The following FGF14 variants were observed in gnomAD, a reference collection of about 807,000 sequenced individuals.
FGF14 encodes fibroblast growth factor 14.
In FGF14, 5 loss-of-function variants were observed where a neutral mutation model predicts 25.5. The observed-to-expected ratio is 0.20, with a 90% confidence interval of 0.10 to 0.41. FGF14 has a LOEUF of 0.41. Among genes scored for constraint, FGF14 ranks in the 10% least tolerant of loss-of-function variants. The probability of loss-of-function intolerance (pLI) is 1.00; values close to 1 mark genes in which losing one functional copy is unlikely to be tolerated. For missense variants in FGF14, 222 were observed against 320.1 expected (o/e 0.69, Z 2.34); for synonymous variants, 138 against 118.3 (o/e 1.17, Z -1.08).
chr13:102,366,155 GA>G (rs2057705591), intron 1 of FGF14, among the ~76,000 whole-genome samples: 1 of 152,104 alleles, frequency 6.6e-6, no homozygotes, highest in South Asian at 2.1e-4. Context: ...AAATCAAATA[GA>G]AATTGTATCC....
At chr13:101,972,290 T>A (rs182617651) in intron 1 of FGF14, among the ~76,000 whole-genome samples, 89 of 152,340 alleles carry the variant, frequency 5.8e-4, no homozygotes, top group Non-Finnish European at 9.1e-4. Flanking sequence ...CAGATTCTCA[T>A]GAGGCACAGT....
chr13:102,389,518 G>A (rs2058382653), intron 1 of FGF14, among the ~76,000 whole-genome samples: 1 of 152,156 alleles, frequency 6.6e-6, no homozygotes, highest in South Asian at 2.1e-4. Flanking sequence ...TCTTCTAACA[G>A]CTTTTGTACC....
At chr13:102,093,699 GAA>G (rs1451553287) in intron 1 of FGF14, among the ~76,000 whole-genome samples, 1 of 151,654 alleles carries the variant, frequency 6.6e-6, no homozygotes, top group Admixed American at 6.6e-5. Flanking sequence ...AAGAAGCAGA[GAA>G]AAGTCATGAC....
intron 1 of FGF14, among the ~76,000 whole-genome samples, chr13:102,184,723 G>A (rs530549098): frequency 4.7e-5 from 7 of 148,454 alleles, no homozygotes; most frequent in South Asian, 2.2e-4. Context: ...TGAAATACAC[G>A]CACTCTGATG....
chr13:102,274,200 G>A (rs1237179109), intron 1 of FGF14, among the ~76,000 whole-genome samples: 1 of 152,158 alleles, frequency 6.6e-6, no homozygotes, highest in Non-Finnish European at 1.5e-5. Context: ...ACCGCATTCT[G>A]CAATTCCCTG....
intron 3 of FGF14, among the ~76,000 whole-genome samples, chr13:101,823,069 T>C (rs1015762117): frequency 6.6e-6 from 1 of 152,232 alleles, no homozygotes; most frequent in African/African-American, 2.4e-5. Flanking sequence ...TGATATTCCA[T>C]TGTATGAATA....
chr13:102,050,224 T>C (rs1180908629), intron 1 of FGF14, among the ~76,000 whole-genome samples: 1 of 152,208 alleles, frequency 6.6e-6, no homozygotes, highest in Non-Finnish European at 1.5e-5. Context: ...TATCCTTCCA[T>C]CTGTATCAGG....
chr13:101,992,992 G>A (rs991876634), intron 1 of FGF14, among the ~76,000 whole-genome samples: 1 of 151,650 alleles, frequency 6.6e-6, no homozygotes, highest in African/African-American at 2.4e-5. Flanking sequence ...ACACAAAGAA[G>A]GATAAATAGC....
chr13:101,823,854 TATAAATAATTTTCAGAAATATA>T (rs1217537092), intron 3 of FGF14, among the ~76,000 whole-genome samples: 2 of 149,608 alleles, frequency 1.3e-5, no homozygotes, highest in East Asian at 1.9e-4. Context: ...CTATATTTAG[TATAAATAATTTTCAGAAATATA>T]TTAAAAATCC....
chr13:102,322,427 T>C (rs1168277473), intron 1 of FGF14, among the ~76,000 whole-genome samples: 2 of 152,128 alleles, frequency 1.3e-5, no homozygotes, highest in Non-Finnish European at 2.9e-5. Context: ...CCTGAGGCTT[T>C]TGGGGATCCT....
At chr13:102,130,525 C>T (rs146636928) in intron 1 of FGF14, among the ~76,000 whole-genome samples, 40 of 152,276 alleles carry the variant, frequency 2.6e-4, no homozygotes, top group African/African-American at 8.9e-4. Flanking sequence ...TAGTTTCAAG[C>T]CAGCAGTCTG....
intron 3 of FGF14, among the ~76,000 whole-genome samples, chr13:101,745,068 GA>G (rs1292012270): frequency 6.6e-6 from 1 of 152,040 alleles, no homozygotes; most frequent in Non-Finnish European, 1.5e-5. Context: ...TTATTTGGGA[GA>G]AAATTAATAT....
chr13:102,133,816 GTTAATAC>G (rs563044549), intron 1 of FGF14, among the ~76,000 whole-genome samples: 101 of 152,302 alleles, frequency 6.6e-4, no homozygotes, highest in African/African-American at 2.2e-3. Context: ...GCATGTGGAG[GTTAATAC>G]TCATGTCATG....
At chr13:102,252,587 A>G (rs1183340164) in intron 1 of FGF14, among the ~76,000 whole-genome samples, 1 of 152,108 alleles carries the variant, frequency 6.6e-6, no homozygotes, top group East Asian at 1.9e-4. Context: ...AGAATACCTA[A>G]TATGATGCAA....
rs151099188 is a variant in FGF14 at position 102,163,256 on chromosome 13, G to C, written c.208+238215C>G. 5.3e-3 allele frequency among the ~76,000 whole-genome samples: 800 copies of C among 152,214 alleles called. 9 individuals are homozygous for C. The highest frequency in any genetic ancestry group is 0.017 in the African/African-American group (721 of 41,552). On this transcript the variant is annotated intron_variant, in intron 1 of 4. Coordinates refer to the FGF14 transcript ENST00000376131. ...ATAGTTTAGGGCTATCATAGCCCTT[G>C]TGCCTTTATTTTGTAAATTATCCTC...
At chr13:101,801,002 T>A (rs2040838339) in intron 3 of FGF14, among the ~76,000 whole-genome samples, 1 of 152,206 alleles carries the variant, frequency 6.6e-6, no homozygotes, top group Non-Finnish European at 1.5e-5. Flanking sequence ...AGACATTCTC[T>A]TTAAAAGGAA....
intron 2 of FGF14, among the ~76,000 whole-genome samples, chr13:101,873,041 A>C (rs184479350): frequency 0.045 from 6,767 of 151,884 alleles, 410 homozygotes; most frequent in African/African-American, 0.13. Context: ...AAAAAAAAAA[A>C]CATATATTTA....
At chr13:102,172,002 ATTT>A (rs2048269695) in intron 1 of FGF14, among the ~76,000 whole-genome samples, 1 of 150,360 alleles carries the variant, frequency 6.7e-6, no homozygotes, top group Non-Finnish European at 1.5e-5. Flanking sequence ...TTATTTATTT[ATTT>A]ATTTAGTAGG....
rs551260902 is a variant in FGF14, at chr13:101,874,093, C to T, written c.304+1093G>A. On this transcript the variant is annotated intron_variant, in intron 2 of 4. Coordinates refer to ENST00000376143, the MANE Select transcript of FGF14 (RefSeq NM_004115.4). ...AATAATGATATTTCACATGGCAAAA[C>T]GACATGTAAAAATAACCTATTTTGT... is the stretch of plus-strand genomic sequence containing the variant. 7.9e-5 allele frequency among the ~76,000 whole-genome samples: 12 copies of T among 151,816 alleles called. No individual in the cohort carries two copies. The South Asian group carries it at 2.5e-3, about 31-fold the overall frequency.
Sources: allele counts gnomAD v4.1 joint callset (sites outside exome capture counted in the v4.1 genomes callset), GRCh38; gene constraint gnomAD v4.1.1; transcripts MANE v1.5; gene names NCBI Gene and HGNC (gene_info 2026-07-23, HGNC 2026-07-21).